MAP3K4: variants seen among roughly 807,000 people sequenced by gnomAD.
MAP3K4 encodes the protein MAP three kinase 1.
A neutral mutation model predicts 185.6 loss-of-function variants in MAP3K4; 67 were observed. The observed-to-expected ratio is 0.36, with a 90% confidence interval of 0.30 to 0.44. The LOEUF is 0.44. Ranked by LOEUF, MAP3K4 falls within the 20% of genes least tolerant of loss-of-function variation. MAP3K4 has a pLI of 1.00. For synonymous variants in MAP3K4, 702 were observed against 710.4 expected (o/e 0.99, Z 0.19); for missense variants, 1,551 against 1,995.1 (o/e 0.78, Z 4.24).
rs553738698 is a variant in MAP3K4 at position 161,098,564 on chromosome 6, C to T, written c.3674+137C>T. 3.3e-5 allele frequency: 33 copies of T among 1,007,250 alleles called. No individual in the cohort carries two copies. In the African/African-American group the frequency reaches 3.8e-4, roughly 12 times the overall value. The allele number at this position is 1,007,250 out of a possible 1,614,324, so 62.4% of individuals were successfully genotyped here. A position where few individuals can be genotyped will look rare whatever the true frequency, so the allele number is the denominator to read the frequency against. ...GTGTGAGTGATGCTCTAGGGCCTTCCGCAGGTTGTCACGGCCCAGAGGCTC... is the reference window on the plus strand; with the variant it reads ...GTGTGAGTGATGCTCTAGGGCCTTCTGCAGGTTGTCACGGCCCAGAGGCTC... On this transcript the variant is annotated intron_variant, in intron 17 of 26. Coordinates refer to ENST00000392142, the MANE Select transcript of MAP3K4 (RefSeq NM_005922.4). The surrounding 1 kb of genome is among the most constrained non-coding windows in gnomAD (Gnocchi z 4.4).
rs1280861691 is a variant in MAP3K4 at position 161,106,854 on chromosome 6, AT to A, written c.4048+157del. 5.5e-5 allele frequency: 29 copies of A among 527,092 alleles called. No homozygotes were observed. The highest frequency in any genetic ancestry group is 2.4e-4 in the South Asian group (4 of 16,782). 32.7% of individuals were successfully genotyped at this position (527,092 alleles called of 1,614,324 possible). A position where few individuals can be genotyped will look rare whatever the true frequency, so the allele number is the denominator to read the frequency against. On this transcript the variant is annotated intron_variant, in intron 20 of 26. Transcript: ENST00000392142. The surrounding 1 kb of genome is among the most constrained non-coding windows in gnomAD (Gnocchi z 4.9). ...GTTATCTTTTTGCAAAGTGGTCTGGATTTTTTTTGGTTGTTTAATTTGTAAA... is the reference window on the plus strand; with the variant it reads ...GTTATCTTTTTGCAAAGTGGTCTGGATTTTTTTGGTTGTTTAATTTGTAAA...
intron 6 of MAP3K4, among the ~76,000 whole-genome samples, chr6:161,083,094 A>G (rs952983481): frequency 3.9e-5 from 6 of 152,118 alleles, no homozygotes; most frequent in Non-Finnish European, 1.5e-5. Context: ...TTCCAGCCTT[A>G]GGCCCTTTTC....
chr6:161,089,111 T>C (rs1032650917), intron 10 of MAP3K4, among the ~76,000 whole-genome samples: 2 of 152,142 alleles, frequency 1.3e-5, no homozygotes, highest in East Asian at 1.9e-4. Context: ...TCCCAAAGGG[T>C]TCTTCTCCGT....
intron 2 of MAP3K4, among the ~76,000 whole-genome samples, chr6:161,046,819 T>C (rs1479076513): frequency 6.6e-6 from 1 of 150,688 alleles, no homozygotes; most frequent in African/African-American, 2.4e-5. Context: ...TCTGAAGATA[T>C]ACTAATATGT....
Position 161,109,313 on chromosome 6 carries a change from A to G in MAP3K4, c.4237-442A>G, listed in dbSNP as rs1778243625. ...TAAACACGTCGAGGGAAAGAGGATA[A>G]CTTGGAGCATCGTGGTGTAGAGCAT... On this transcript the variant is annotated intron_variant, in intron 22 of 26. Transcript: ENST00000392142. The surrounding 1 kb of genome is among the most constrained non-coding windows in gnomAD (Gnocchi z 5.7). Among the ~76,000 whole-genome samples, 1 of 152,166 alleles carries G rather than the reference A, an allele frequency of 6.6e-6. No individual in the cohort carries two copies. The highest frequency in any genetic ancestry group is 2.4e-5 in the African/African-American group (1 of 41,438).
chr6:160,993,743 A>G (rs1780855220), intron 1 of MAP3K4, among the ~76,000 whole-genome samples: 1 of 152,238 alleles, frequency 6.6e-6, no homozygotes, highest in Non-Finnish European at 1.5e-5. Flanking sequence ...GGTAAAAAAA[A>G]AAAAAAACTT....
chr6:160,998,884 C>T (rs1012719005), intron 1 of MAP3K4, among the ~76,000 whole-genome samples: 2 of 152,154 alleles, frequency 1.3e-5, no homozygotes, highest in Admixed American at 6.5e-5. Context: ...TAATCGAGTG[C>T]CTTTGCCTTT....
At chr6:161,035,547 T>C (rs1017710973) in intron 2 of MAP3K4, among the ~76,000 whole-genome samples, 1 of 152,190 alleles carries the variant, frequency 6.6e-6, no homozygotes, top group Non-Finnish European at 1.5e-5. Context: ...GGAAAGAGTC[T>C]TTCCCACAAA....
Position 161,093,770 on chromosome 6 carries a change from T to C in MAP3K4, c.3349-3T>C, listed in dbSNP as rs776461698. The stretch of plus-strand genomic sequence containing the variant: ...ACCTTTCCCATTTTCTTTTGGTTTC[T>C]AGAGTTTACAAGCCTTGATGAATGA... On this transcript the variant is annotated splice_region_variant and splice_polypyrimidine_tract_variant and intron_variant, in intron 14 of 26. Coordinates refer to ENST00000392142, the MANE Select transcript of MAP3K4 (RefSeq NM_005922.4). This position sits in a 1 kb window ranked among gnomAD's most constrained non-coding sequence, Gnocchi z 5.2. 3 of 1,604,804 alleles carry C rather than the reference T, an allele frequency of 1.9e-6. No individual in the cohort carries two copies. Among genetic ancestry groups the C allele is most frequent in the Admixed American group, 1.7e-5 (1 of 59,400 alleles).
In MAP3K4 at chr6:161,116,781, C is replaced by T. The variant is rs1485040682; in HGVS notation, c.4807-69C>T. ...TGGATGGGGCCTTCCCCGTAAGACT[C>T]ATACTGCGCGTATGCACAAGCACAC... On this transcript the variant is annotated intron_variant, in intron 26 of 26. Coordinates refer to ENST00000392142, the MANE Select transcript of MAP3K4 (RefSeq NM_005922.4). The surrounding 1 kb of genome is among the most constrained non-coding windows in gnomAD (Gnocchi z 6.2). The T allele has an allele frequency of 3.5e-6, 5 of 1,422,868 alleles. No individual in the cohort carries two copies. Among genetic ancestry groups the T allele is most frequent in the African/African-American group, 2.8e-5 (2 of 71,166 alleles). The allele number at this position is 1,422,868 out of a possible 1,614,324, so 88.1% of individuals were successfully genotyped here. A position where few individuals can be genotyped will look rare whatever the true frequency, so the allele number is the denominator to read the frequency against.
intron 1 of MAP3K4, among the ~76,000 whole-genome samples, chr6:161,031,434 T>C (rs1342626385): frequency 6.6e-6 from 1 of 152,202 alleles, no homozygotes; most frequent in Non-Finnish European, 1.5e-5. Flanking sequence ...TAGACCCTCT[T>C]TATCTGCTAA....
At chr6:161,011,839 A>C (rs557307073) in intron 1 of MAP3K4, among the ~76,000 whole-genome samples, 92 of 152,234 alleles carry the variant, frequency 6.0e-4, no homozygotes, top group Non-Finnish European at 1.1e-3. Flanking sequence ...AGTCCACCCT[A>C]CCCATCTGGT....
intron 13 of MAP3K4, among the ~76,000 whole-genome samples, chr6:161,092,520 T>G (rs1583222379): frequency 6.6e-6 from 1 of 152,140 alleles, no homozygotes. Context: ...AAAGTAAACA[T>G]AGTTATTAAA....
In MAP3K4 at chr6:161,048,716, A is replaced by G. The variant is rs1326565417; in HGVS notation, c.444A>G (p.Ala148=). ...YSYKQEKKIR[A]ALRTTERDRK... ...ATAAGCAGGAGAAAAAGATCCGAGC[A>G]GCTCTTAGAACAACAGAGCGTGATC... is the stretch of plus-strand genomic sequence containing the variant. The change falls in exon 3 of 27, where the codon GCA becomes GCG. Residue 148 remains alanine (A), a synonymous_variant. Coordinates refer to ENST00000392142, the MANE Select transcript of MAP3K4 (RefSeq NM_005922.4). The surrounding 1 kb of genome is among the most constrained non-coding windows in gnomAD (Gnocchi z 4.7). The G allele has an allele frequency of 1.2e-6, 2 of 1,614,098 alleles. No individual in the cohort carries two copies. Among genetic ancestry groups the G allele is most frequent in the Non-Finnish European group, 1.7e-6 (2 of 1,179,976 alleles).
At position 161,048,848 on chromosome 6, in the gene MAP3K4, C is replaced by T; in HGVS notation, c.576C>T (p.Gly192=). The change falls in exon 3 of 27, where the codon GGC becomes GGT. Residue 192 remains glycine (G), a synonymous_variant. Coordinates refer to ENST00000392142, the MANE Select transcript of MAP3K4 (RefSeq NM_005922.4). The surrounding 1 kb of genome is among the most constrained non-coding windows in gnomAD (Gnocchi z 4.7). ...VDLNKPYLSL[G]CSNAKLPVSV... is the part of the protein sequence containing the mutation. ...TCAATAAGCCTTACCTCAGCCTTGGCTGTAGCAATGCTAAGCTTCCAGTAT... is the reference window on the plus strand; with the variant it reads ...TCAATAAGCCTTACCTCAGCCTTGGTTGTAGCAATGCTAAGCTTCCAGTAT... The T allele has an allele frequency of 6.2e-7, 1 of 1,614,174 alleles. No homozygotes were observed. The highest frequency in any genetic ancestry group is 8.5e-7 in the Non-Finnish European group (1 of 1,180,018).
In MAP3K4 at chr6:161,098,499, A is replaced by AG; in HGVS notation, c.3674+75dup. Reference sequence around the variant, plus strand: ...GCGCTTACACAGCAACCATAGTGTTAGGGTGTGTGCCGGCTGTGGTTGGGC... The same window carrying AG: ...GCGCTTACACAGCAACCATAGTGTTAGGGGTGTGTGCCGGCTGTGGTTGGGC... On this transcript the variant is annotated intron_variant, in intron 17 of 26. Coordinates refer to ENST00000392142, the MANE Select transcript of MAP3K4 (RefSeq NM_005922.4). This position sits in a 1 kb window ranked among gnomAD's most constrained non-coding sequence, Gnocchi z 4.4. 1.3e-6 allele frequency: 2 copies of AG among 1,514,440 alleles called. No homozygotes were observed. The highest frequency in any genetic ancestry group is 1.8e-6 in the Non-Finnish European group (2 of 1,123,832). 93.8% of individuals were successfully genotyped at this position (1,514,440 alleles called of 1,614,324 possible).
At chr6:161,006,781 C>T (rs1781603400) in intron 1 of MAP3K4, among the ~76,000 whole-genome samples, 1 of 151,680 alleles carries the variant, frequency 6.6e-6, no homozygotes. Flanking sequence ...AAGAGAAAGC[C>T]TATATATTCA....
At chr6:161,039,769 T>G (rs1783361545) in intron 2 of MAP3K4, among the ~76,000 whole-genome samples, 1 of 152,222 alleles carries the variant, frequency 6.6e-6, no homozygotes, top group African/African-American at 2.4e-5. Context: ...TTATGGAATT[T>G]TACAAAGTTA....
chr6:161,041,998 T>C lies in MAP3K4; in HGVS notation c.344-6618T>C, dbSNP rs958170050. Among the ~76,000 whole-genome samples, 19 of 141,518 alleles carry C rather than the reference T, an allele frequency of 1.3e-4. No homozygotes were observed. The South Asian group carries it at 1.5e-3, about 11-fold the overall frequency. 92.8% of individuals were successfully genotyped at this position (141,518 alleles called of 152,430 possible). A position where few individuals can be genotyped will look rare whatever the true frequency, so the allele number is the denominator to read the frequency against. ...GCCCGGAACCTCTGGACTCAAGTGA[T>C]CCTCCCGCCTCAGCTTCCAGAGTAG... On this transcript the variant is annotated intron_variant, in intron 2 of 26. Coordinates refer to ENST00000392142, the MANE Select transcript of MAP3K4 (RefSeq NM_005922.4).
Sources: allele counts gnomAD v4.1 joint callset (sites outside exome capture counted in the v4.1 genomes callset), GRCh38; gene constraint gnomAD v4.1.1; non-coding constraint Gnocchi (gnomAD v3.1); transcripts MANE v1.5; gene names NCBI Gene and HGNC (gene_info 2026-07-23, HGNC 2026-07-21).